The following CFAP43 variants were observed in gnomAD, a reference collection of about 807,000 sequenced individuals.
CFAP43 encodes cilia and flagella associated protein 43.
CFAP43 carries 155 observed loss-of-function variants against 218.9 expected under a neutral mutation model. The observed-to-expected ratio is 0.71, with a 90% CI of 0.62 to 0.81. The LOEUF (loss-of-function observed/expected upper bound fraction) is 0.81, where lower values mean the gene tolerates loss of function less well. Ranked by LOEUF, CFAP43 falls within the 30% of genes least tolerant of loss-of-function variation. The probability of loss-of-function intolerance (pLI) is 0.00; values close to 1 mark genes in which losing one functional copy is unlikely to be tolerated. For missense variants in CFAP43, 1,778 were observed against 1,954.3 expected (o/e 0.91, Z 1.70); for synonymous variants, 645 against 681.3 (o/e 0.95, Z 0.83).
At chr10:104,144,824 G>A (rs1027556275) in intron 31 of CFAP43, among the ~76,000 whole-genome samples, 1 of 152,154 alleles carries the variant, frequency 6.6e-6, no homozygotes, top group African/African-American at 2.4e-5. Context: ...TTATAATGGT[G>A]GAAATCAGTG....
At chr10:104,210,772 C>T (rs988288471) in intron 5 of CFAP43, among the ~76,000 whole-genome samples, 7 of 144,862 alleles carry the variant, frequency 4.8e-5, no homozygotes, top group Non-Finnish European at 7.5e-5. Context: ...GGTCCTTCCA[C>T]GTGAAACACT....
At chr10:104,202,293 C>T (rs756018542) in intron 8 of CFAP43, among the ~76,000 whole-genome samples, 1 of 152,194 alleles carries the variant, frequency 6.6e-6, no homozygotes, top group Non-Finnish European at 1.5e-5. Flanking sequence ...TGTCTTTTCT[C>T]CGACTGCTTT....
Position 104,192,230 on chromosome 10 carries a change from G to A in CFAP43, c.1515C>T (p.Ser505=), listed in dbSNP as rs145012035. 79 of 1,612,682 alleles carry A rather than the reference G, an allele frequency of 4.9e-5. No individual in the cohort carries two copies. The African/African-American group carries it at 8.8e-4, about 18-fold the overall frequency. Residue 505 remains serine (S), a synonymous_variant, in exon 12 of 38, where the codon TCC becomes TCT. Coordinates refer to ENST00000357060, the MANE Select transcript of CFAP43 (RefSeq NM_025145.7). ...ATCCAATAATCTGAAATGAGCTTGA[G>A]GAGTTGGCATTGATAATAAAGACTT... The part of the protein sequence containing the change: ...EGKVFIINAN[S]SSSFQIIGFT...
At chr10:104,204,631 A>T (rs1037827797) in intron 7 of CFAP43, among the ~76,000 whole-genome samples, 1 of 152,166 alleles carries the variant, frequency 6.6e-6, no homozygotes, top group Non-Finnish European at 1.5e-5. Flanking sequence ...TGAAGAGGAC[A>T]AGAGTCATAA....
intron 10 of CFAP43, 150 bp downstream of exon 10, chr10:104,196,703 C>T: frequency 3.4e-6 from 2 of 596,020 alleles, no homozygotes; most frequent in Non-Finnish European, 2.9e-6. Context: ...ATATACTTTA[C>T]ACACAAGGAT....
chr10:104,155,577 C>T (rs2088499714), intron 27 of CFAP43, among the ~76,000 whole-genome samples: 1 of 151,976 alleles, frequency 6.6e-6, no homozygotes, highest in African/African-American at 2.4e-5. Flanking sequence ...ATGAACTCAG[C>T]CAGGAGGTGA....
intron 11 of CFAP43, 109 bp downstream of exon 11, chr10:104,193,757 A>G (rs1236182794): frequency 4.3e-6 from 6 of 1,390,636 alleles, no homozygotes; most frequent in Non-Finnish European, 5.8e-6. Flanking sequence ...TTAACATTCA[A>G]AACAAATGAA....
At chr10:104,224,245 G>A (rs1242467751) in intron 3 of CFAP43, among the ~76,000 whole-genome samples, 12 of 151,686 alleles carry the variant, frequency 7.9e-5, no homozygotes, top group South Asian at 4.2e-4. Flanking sequence ...GGATTTCACC[G>A]TGTTAGCCAG....
At chr10:104,168,125 G>A (rs926441014) in intron 21 of CFAP43, among the ~76,000 whole-genome samples, 2 of 152,162 alleles carry the variant, frequency 1.3e-5, no homozygotes, top group Non-Finnish European at 2.9e-5. Flanking sequence ...ACAGGGCATA[G>A]AACAGCCCCC....
At chr10:104,152,819 G>T in intron 27 of CFAP43, 93 bp from the exon 28 acceptor site, 1 of 1,404,970 alleles carries the variant, frequency 7.1e-7, no homozygotes, top group Non-Finnish European at 9.6e-7. Context: ...AGGGGCAGAT[G>T]GAGGGCAGCC....
chr10:104,227,087 T>G lies in CFAP43; in HGVS notation c.320-1530A>C, dbSNP rs183481183. The stretch of plus-strand genomic sequence containing the variant: ...GGATCATAGTGTTGCCTCCTATTGG[T>G]TTTTTATTTACGTTATATTGACCAT... On this transcript the variant is annotated intron_variant, in intron 2 of 37. Coordinates refer to ENST00000357060, the MANE Select transcript of CFAP43 (RefSeq NM_025145.7). Among the ~76,000 whole-genome samples, 8 of 152,186 alleles carry G rather than the reference T, an allele frequency of 5.3e-5. No homozygotes were observed. The South Asian group carries it at 1.0e-3, about 20-fold the overall frequency.
chr10:104,210,859 C>T (rs1972367), intron 5 of CFAP43, among the ~76,000 whole-genome samples: 20,092 of 137,062 alleles, frequency 0.15, 1,428 homozygotes, highest in Middle Eastern at 0.26. Flanking sequence ...GGCGTGATCT[C>T]GACTCACTGC....
chr10:104,132,550 G>A (rs897874593), intron 35 of CFAP43: 1 of 713,322 alleles, frequency 1.4e-6, no homozygotes, highest in East Asian at 1.3e-4. Context: ...AGGAGGTGGA[G>A]GTTGTAGTGA....
chr10:104,155,930 G>A (rs2088520368), intron 27 of CFAP43, among the ~76,000 whole-genome samples: 2 of 151,930 alleles, frequency 1.3e-5, no homozygotes, highest in South Asian at 2.1e-4. Flanking sequence ...AGGAGGCAGG[G>A]GGCAGAGGAA....
At chr10:104,158,553 C>T (rs1268263598) in intron 27 of CFAP43, among the ~76,000 whole-genome samples, 2 of 152,046 alleles carry the variant, frequency 1.3e-5, no homozygotes, top group African/African-American at 2.4e-5. Context: ...TGTCATGGAA[C>T]ACAAAGTTGT....
At position 104,192,255 on chromosome 10, in the gene CFAP43, T is replaced by C; in HGVS notation, c.1490A>G (p.Lys497Arg). The part of the protein sequence containing the change: ...IFLLVGTAEG[K>R]VFIINANSSS... ...GGAGTTGGCATTGATAATAAAGACT[T>C]TTCCTTCTGCTGTTCCAACTAACAG... The change falls in exon 12 of 38, where the codon AAA becomes AGA. Residue 497 changes from lysine to arginine, a missense_variant. Around this residue, in one of 3 missense-constraint regions of CFAP43, gnomAD observed 1,553 missense variants for 1,685.2 expected, o/e 0.92. Transcript: ENST00000357060. The C allele has an allele frequency of 1.9e-6, 3 of 1,613,236 alleles. No homozygotes were observed. Among genetic ancestry groups the C allele is most frequent in the Non-Finnish European group, 2.5e-6 (3 of 1,179,768 alleles).
intron 8 of CFAP43, among the ~76,000 whole-genome samples, chr10:104,201,742 T>C (rs2090541338): frequency 6.6e-6 from 1 of 152,168 alleles, no homozygotes; most frequent in Non-Finnish European, 1.5e-5. Context: ...CAATGTGTCA[T>C]TCTCCACCTA....
intron 11 of CFAP43, 95 bp downstream of exon 11, chr10:104,193,771 C>A: frequency 3.5e-6 from 5 of 1,440,930 alleles, no homozygotes; most frequent in Admixed American, 2.4e-5. Context: ...AAATGAAACA[C>A]GTAAAACTTA....
rs769629264 is a variant in CFAP43, at chr10:104,187,317, T to C, written c.1860+3A>G. 10 of 1,593,984 alleles carry C rather than the reference T, an allele frequency of 6.3e-6. No homozygotes were observed. The South Asian group carries it at 6.9e-5, about 11-fold the overall frequency. On this transcript the variant is annotated splice_donor_region_variant and intron_variant, in intron 14 of 37. Coordinates refer to ENST00000357060, the MANE Select transcript of CFAP43 (RefSeq NM_025145.7). ...ATGAGAGCACACTTAAGTGTTGACA[T>C]ACTTCTTCAGGAAGAAGGTAGCTAC...
Sources: allele counts gnomAD v4.1 joint callset (sites outside exome capture counted in the v4.1 genomes callset), GRCh38; gene constraint gnomAD v4.1.1; regional missense constraint gnomAD v4.1.1; transcripts MANE v1.5; gene names NCBI Gene and HGNC (gene_info 2026-07-23, HGNC 2026-07-21).